Variants in IQCM observed in about 807,000 individuals in gnomAD.
The protein encoded by IQCM is IQ domain-containing protein M.
A neutral mutation model predicts 57.6 loss-of-function variants in IQCM; 45 were observed. That is an observed-to-expected ratio of 0.78 (90% CI 0.62 to 1.00). The LOEUF is 1.00. Ranked by LOEUF, IQCM falls within the 50% of genes least tolerant of loss-of-function variation. The pLI, the probability that IQCM is intolerant of heterozygous loss-of-function variation, is 0.00. For synonymous variants in IQCM, 148 were observed against 158.9 expected (o/e 0.93, Z 0.51); for missense variants, 468 against 511.6 (o/e 0.91, Z 0.82).
intron 7 of IQCM, among the ~76,000 whole-genome samples, chr4:149,655,555 T>C (rs1759565258): frequency 6.6e-6 from 1 of 152,182 alleles, no homozygotes; most frequent in Admixed American, 6.6e-5. Context: ...TGGGGAATCA[T>C]ACAAAATGGT....
At chr4:149,745,695 G>A (rs2149919200) in intron 2 of IQCM, among the ~76,000 whole-genome samples, 1 of 152,242 alleles carries the variant, frequency 6.6e-6, no homozygotes, top group East Asian at 1.9e-4. Flanking sequence ...TTTAAGGCTG[G>A]GTGCAGTGGC....
chr4:149,731,708 G>C (rs1011641560), intron 5 of IQCM, among the ~76,000 whole-genome samples: 1 of 152,012 alleles, frequency 6.6e-6, no homozygotes, highest in South Asian at 2.1e-4. Flanking sequence ...GACATTAACT[G>C]GTATAATGTG....
chr4:149,403,477 C>A (rs1300284888), intron 13 of IQCM, among the ~76,000 whole-genome samples: 1 of 151,910 alleles, frequency 6.6e-6, no homozygotes, highest in African/African-American at 2.4e-5. Context: ...CGTAAAGATG[C>A]TGAGTTTGAG....
chr4:149,656,311 T>C (rs1405378046), intron 7 of IQCM, among the ~76,000 whole-genome samples: 4 of 152,102 alleles, frequency 2.6e-5, no homozygotes, highest in African/African-American at 4.8e-5. Flanking sequence ...ATATATTAAA[T>C]TTCAGCATTT....
chr4:149,724,336 C>CTGATAGAT (rs1315248221), intron 5 of IQCM, among the ~76,000 whole-genome samples: 5 of 151,948 alleles, frequency 3.3e-5, no homozygotes, highest in Non-Finnish European at 7.4e-5. Context: ...TCATTTTTTT[C>CTGATAGAT]TGATAGATTT....
chr4:149,653,059 G>T (rs1432688218), intron 7 of IQCM, among the ~76,000 whole-genome samples: 1 of 152,172 alleles, frequency 6.6e-6, no homozygotes, highest in Non-Finnish European at 1.5e-5. Flanking sequence ...AGGAAAATAA[G>T]TGTAACATGA....
chr4:149,652,676 C>T (rs1304962626), intron 7 of IQCM, among the ~76,000 whole-genome samples: 1 of 150,858 alleles, frequency 6.6e-6, no homozygotes, highest in Non-Finnish European at 1.5e-5. Flanking sequence ...GAAGATGGAA[C>T]ATTGAAAATA....
At chr4:149,745,272 G>A (rs1256889687) in intron 2 of IQCM, among the ~76,000 whole-genome samples, 1 of 152,184 alleles carries the variant, frequency 6.6e-6, no homozygotes, top group Non-Finnish European at 1.5e-5. Flanking sequence ...TGCTGAAATG[G>A]TCAAAGAACT....
chr4:149,447,380 T>C (rs1042823618), intron 12 of IQCM, among the ~76,000 whole-genome samples: 2 of 151,610 alleles, frequency 1.3e-5, no homozygotes, highest in African/African-American at 4.8e-5. Flanking sequence ...AGATGATAGA[T>C]TTAATAGACA....
At position 149,368,890 on chromosome 4, in the gene IQCM, G is replaced by GTA. The variant is rs758241507; in HGVS notation, c.1391-16826_1391-16825dup. Among the ~76,000 whole-genome samples the GTA allele has an allele frequency of 6.0e-3, 237 of 39,388 alleles. 52 individuals are homozygous for GTA. The highest frequency in any genetic ancestry group is 0.021 in the South Asian group (32 of 1,536). 25.8% of individuals were successfully genotyped at this position (39,388 alleles called of 152,430 possible). On this transcript the variant is annotated intron_variant, in intron 13 of 13. Transcript: ENST00000636793. The stretch of plus-strand genomic sequence containing the variant: ...TACATATATACACGTGTATATATAT[G>GTA]TATATATATACACGTGTATATATAT...
At chr4:149,548,681 A>G (rs989897903) in intron 11 of IQCM, 92 bp from the exon 12 acceptor site, 5 of 583,708 alleles carry the variant, frequency 8.6e-6, no homozygotes, top group Admixed American at 8.8e-5. Context: ...GTCTACCAGT[A>G]AGTCTCCATG....
chr4:149,535,170 G>A (rs1293846758), intron 12 of IQCM, among the ~76,000 whole-genome samples: 1 of 151,968 alleles, frequency 6.6e-6, no homozygotes, highest in Non-Finnish European at 1.5e-5. Flanking sequence ...TCCTTTGGAA[G>A]TTTTCACTTT....
chr4:149,550,756 A>G (rs563216936), intron 11 of IQCM, among the ~76,000 whole-genome samples: 8 of 152,320 alleles, frequency 5.3e-5, no homozygotes, highest in African/African-American at 1.4e-4. Context: ...AACACACGGA[A>G]AGGATGAAGA....
chr4:149,692,542 T>C (rs924615821), intron 5 of IQCM, among the ~76,000 whole-genome samples: 12 of 152,164 alleles, frequency 7.9e-5, no homozygotes, highest in African/African-American at 2.9e-4. Flanking sequence ...TTTTAAGTGC[T>C]AAACTAAAAG....
At chr4:149,503,539 C>T (rs762361661) in intron 12 of IQCM, among the ~76,000 whole-genome samples, 1 of 152,000 alleles carries the variant, frequency 6.6e-6, no homozygotes, top group African/African-American at 2.4e-5. Context: ...TTTTGATGTG[C>T]AGCCAAATTG....
intron 8 of IQCM, among the ~76,000 whole-genome samples, chr4:149,602,936 A>G (rs1332093039): frequency 6.6e-6 from 1 of 152,164 alleles, no homozygotes; most frequent in Non-Finnish European, 1.5e-5. Flanking sequence ...CAAAGGAAAA[A>G]GGTAGGAGTA....
chr4:149,590,786 CT>C (rs1462713199), intron 8 of IQCM, among the ~76,000 whole-genome samples: 2 of 151,968 alleles, frequency 1.3e-5, no homozygotes, highest in East Asian at 1.9e-4. Context: ...TGAGCTCATC[CT>C]TTTTTATAGC....
chr4:149,595,890 A>T lies in IQCM; in HGVS notation c.682-7893T>A, dbSNP rs149655543. Among the ~76,000 whole-genome samples the T allele has an allele frequency of 1.9e-3, 296 of 152,254 alleles. 2 individuals are homozygous for T. Among genetic ancestry groups the T allele is most frequent in the African/African-American group, 7.0e-3 (289 of 41,558 alleles). ...TAAGTGTAGTATTCCCTTTATTTACATTTCTTTACAGAGGTGAAGGTATCC... is the reference window on the plus strand; with the variant it reads ...TAAGTGTAGTATTCCCTTTATTTACTTTTCTTTACAGAGGTGAAGGTATCC... On this transcript the variant is annotated intron_variant, in intron 8 of 13. Transcript: ENST00000636793.
At chr4:149,477,843 G>T (rs1399299180) in intron 12 of IQCM, among the ~76,000 whole-genome samples, 1 of 152,094 alleles carries the variant, frequency 6.6e-6, no homozygotes, top group East Asian at 1.9e-4. Context: ...CATGTGGGAG[G>T]AGTGAATGGT....
Sources: gnomAD v4.1 joint callset for allele counts (sites outside exome capture counted in the v4.1 genomes callset) on GRCh38, gnomAD v4.1.1 for gene constraint, MANE v1.5 for transcripts, NCBI Gene and HGNC (gene_info 2026-07-23, HGNC 2026-07-21) for gene names.